EFR3B: variants seen among roughly 807,000 people sequenced by gnomAD.
EFR3B encodes the protein EFR3 homolog B.
Under a neutral mutation model 104.7 loss-of-function variants are expected in EFR3B, and 64 were observed. That is an observed-to-expected ratio of 0.61 (90% CI 0.50 to 0.75). EFR3B has a LOEUF of 0.75. Ranked by LOEUF, EFR3B falls within the 30% of genes least tolerant of loss-of-function variation. The pLI, the probability that EFR3B is intolerant of heterozygous loss-of-function variation, is 0.00. For synonymous variants in EFR3B, 385 were observed against 417.9 expected (o/e 0.92, Z 0.96); for missense variants, 750 against 1,078.5 (o/e 0.70, Z 4.27).
chr2:25,116,417 A>G (rs762767210), intron 4 of EFR3B, among the ~76,000 whole-genome samples: 25 of 152,224 alleles, frequency 1.6e-4, no homozygotes, highest in Non-Finnish European at 2.6e-4. Flanking sequence ...TGAGACCAGG[A>G]GTTTGAGACC....
Position 25,042,148 on chromosome 2 carries a change from C to T in EFR3B, c.-165C>T, listed in dbSNP as rs1308233892. On this transcript the variant is annotated 5_prime_UTR_variant, in exon 1 of 23. Transcript: ENST00000403714. The surrounding 1 kb of genome is among the most constrained non-coding windows in gnomAD (Gnocchi z 5.4). ...TGAATGGGCTGGCGGCGCCCGGCTC[C>T]GTCCTGCCCGCGGCCGGCCCCCGCG... is the stretch of plus-strand genomic sequence containing the variant. 1.4e-5 allele frequency: 8 copies of T among 591,240 alleles called. No individual in the cohort carries two copies. Among genetic ancestry groups the T allele is most frequent in the East Asian group, 4.2e-5 (1 of 23,656 alleles). 36.6% of individuals were successfully genotyped at this position (591,240 alleles called of 1,614,324 possible). A position where few individuals can be genotyped will look rare whatever the true frequency, so the allele number is the denominator to read the frequency against.
intron 5 of EFR3B, among the ~76,000 whole-genome samples, chr2:25,122,377 T>TAC (rs1286720801): frequency 6.6e-6 from 1 of 152,010 alleles, no homozygotes; most frequent in African/African-American, 2.4e-5. Flanking sequence ...CACACATGTG[T>TAC]ACACACACAC....
intron 16 of EFR3B, 132 bp downstream of exon 16, chr2:25,139,322 A>T: frequency 3.5e-6 from 4 of 1,131,672 alleles, no homozygotes; most frequent in Admixed American, 3.1e-5. Flanking sequence ...AGAACCACTA[A>T]TGGTGAGAAG....
At chr2:25,142,979 G>A (rs1475442990) in intron 17 of EFR3B, among the ~76,000 whole-genome samples, 24 of 150,984 alleles carry the variant, frequency 1.6e-4, no homozygotes, top group African/African-American at 5.6e-4. Context: ...TGGGCATGGC[G>A]GCTCATGCCT....
chr2:25,117,343 T>C (rs2149198574), intron 4 of EFR3B, among the ~76,000 whole-genome samples: 1 of 151,970 alleles, frequency 6.6e-6, no homozygotes, highest in African/African-American at 2.4e-5. Context: ...CCTGTGACTC[T>C]GCTGTCTGGA....
intron 4 of EFR3B, among the ~76,000 whole-genome samples, chr2:25,113,718 C>T (rs1669788002): frequency 6.6e-6 from 1 of 151,560 alleles, no homozygotes; most frequent in Non-Finnish European, 1.5e-5. Context: ...AGTGACCAGT[C>T]ACACAGGTAA....
In EFR3B at chr2:25,153,777, G is replaced by A. The variant is rs1243593354; in HGVS notation, c.2348+16G>A. 4 of 1,551,494 alleles carry A rather than the reference G, an allele frequency of 2.6e-6. No homozygotes were observed. Among genetic ancestry groups the A allele is most frequent in the Admixed American group, 3.9e-5 (2 of 50,986 alleles). ...TCACCATCCGGTAAGTGACAACCCT[G>A]GGCAGGGGACCCTGACCTCCGTGGC... On this transcript the variant is annotated intron_variant, in intron 22 of 22. Transcript: ENST00000403714.
At chr2:25,053,917 A>G (rs1196480531) in intron 1 of EFR3B, among the ~76,000 whole-genome samples, 1 of 152,164 alleles carries the variant, frequency 6.6e-6, no homozygotes, top group East Asian at 1.9e-4. Context: ...ACAAACAAAC[A>G]AAACCAAAAA....
chr2:25,061,931 T>C (rs1668210157), intron 1 of EFR3B, among the ~76,000 whole-genome samples: 1 of 152,250 alleles, frequency 6.6e-6, no homozygotes, highest in African/African-American at 2.4e-5. Context: ...TCATGGATGA[T>C]TTAAATTTTC....
At chr2:25,148,134 A>G (rs1170418825) in intron 19 of EFR3B, among the ~76,000 whole-genome samples, 1 of 150,768 alleles carries the variant, frequency 6.6e-6, no homozygotes, top group East Asian at 1.9e-4. Context: ...CATTATTTTC[A>G]GCATCTATGG....
Position 25,135,650 on chromosome 2 carries a change from G to GGT in EFR3B, c.1484+14_1484+15dup. ...GTTCTCTACCATCAGGTGAACTTGG[G>GGT]GTGTCTCCTCCAGGCAATGCAAGAT... On this transcript the variant is annotated intron_variant, in intron 13 of 22. Transcript: ENST00000403714. 6.4e-7 allele frequency: 1 copy of GGT among 1,551,944 alleles called. No homozygotes were observed. The highest frequency in any genetic ancestry group is 8.7e-7 in the Non-Finnish European group (1 of 1,147,062).
chr2:25,110,909 G>T (rs1303656612), intron 4 of EFR3B, among the ~76,000 whole-genome samples: 1 of 152,078 alleles, frequency 6.6e-6, no homozygotes, highest in African/African-American at 2.4e-5. Flanking sequence ...TAGCAGCTTC[G>T]CAACCTCTCT....
intron 1 of EFR3B, chr2:25,079,775 TAA>T (rs1164428289): frequency 6.6e-6 from 4 of 610,470 alleles, no homozygotes; most frequent in African/African-American, 5.5e-5. Flanking sequence ...CAAATGTTTT[TAA>T]AAGTTTGTAT....
At chr2:25,081,980 A>C (rs1418889244) in intron 1 of EFR3B, among the ~76,000 whole-genome samples, 1 of 152,216 alleles carries the variant, frequency 6.6e-6, no homozygotes, top group Non-Finnish European at 1.5e-5. Flanking sequence ...TCAAGGGGAC[A>C]GCTCAGTCAG....
intron 5 of EFR3B, 111 bp from the exon 6 acceptor site, chr2:25,128,072 G>A (rs1670215037): frequency 7.7e-7 from 1 of 1,303,576 alleles, no homozygotes; most frequent in Non-Finnish European, 1.1e-6. Context: ...TCTGCCTTCT[G>A]ATGGACAAAT....
At chr2:25,087,735 A>T (rs897757814) in intron 1 of EFR3B, among the ~76,000 whole-genome samples, 4 of 152,300 alleles carry the variant, frequency 2.6e-5, no homozygotes, top group Admixed American at 1.3e-4. Flanking sequence ...AGCCTCCCAA[A>T]GTGCCAGGAT....
Position 25,154,477 on chromosome 2 carries a change from C to A in EFR3B, c.*137C>A. 1.3e-6 allele frequency: 1 copy of A among 767,020 alleles called. No homozygotes were observed. The highest frequency in any genetic ancestry group is 2.1e-6 in the Non-Finnish European group (1 of 475,552). 47.5% of individuals were successfully genotyped at this position (767,020 alleles called of 1,614,324 possible). On this transcript the variant is annotated 3_prime_UTR_variant, in exon 23 of 23. Transcript: ENST00000403714. The surrounding 1 kb of genome is among the most constrained non-coding windows in gnomAD (Gnocchi z 4.1). Reference sequence around the variant, plus strand: ...GATGGCAGCGCCTCCCAGGCTAAGCCAAGGTGGAGACTCTCTGGTCCTTCT... The same window carrying A: ...GATGGCAGCGCCTCCCAGGCTAAGCAAAGGTGGAGACTCTCTGGTCCTTCT...
At chr2:25,050,375 A>G (rs1667832363) in intron 1 of EFR3B, among the ~76,000 whole-genome samples, 1 of 152,132 alleles carries the variant, frequency 6.6e-6, no homozygotes, top group African/African-American at 2.4e-5. Context: ...AAAGCTTTGG[A>G]CCACAAGTTT....
intron 4 of EFR3B, among the ~76,000 whole-genome samples, chr2:25,110,926 C>T (rs1422518305): frequency 6.6e-6 from 1 of 152,226 alleles, no homozygotes; most frequent in Admixed American, 6.5e-5. Flanking sequence ...CTCTCTGCCC[C>T]TCTTTTATTC....
Sources: allele counts gnomAD v4.1 joint callset (sites outside exome capture counted in the v4.1 genomes callset), GRCh38; gene constraint gnomAD v4.1.1; non-coding constraint Gnocchi (gnomAD v3.1); transcripts MANE v1.5; gene names NCBI Gene and HGNC (gene_info 2026-07-23, HGNC 2026-07-21).